Variants in XYLT1 observed in about 807,000 individuals in gnomAD.
XYLT1 encodes xylosyltransferase 1.
Under a neutral mutation model 91.3 loss-of-function variants are expected in XYLT1, and 36 were observed. The ratio of observed to expected loss-of-function variants is 0.39; its 90% CI spans 0.30 to 0.52. XYLT1 has a LOEUF of 0.52. Among genes scored for constraint, XYLT1 ranks in the 20% least tolerant of loss-of-function variants. The pLI, the probability that XYLT1 is intolerant of heterozygous loss-of-function variation, is 0.68. For missense variants in XYLT1, 1,242 were observed against 1,284.5 expected (o/e 0.97, Z 0.51); for synonymous variants, 588 against 532.0 (o/e 1.11, Z -1.45).
intron 3 of XYLT1, among the ~76,000 whole-genome samples, chr16:17,243,994 C>T (rs1024127268): frequency 6.6e-6 from 1 of 152,144 alleles, no homozygotes; most frequent in Non-Finnish European, 1.5e-5. Flanking sequence ...GGATGCTGAG[C>T]AGTATCCTTC....
Position 17,105,302 on chromosome 16 carries a change from G to A in XYLT1, c.*3393C>T, listed in dbSNP as rs1364342815. On this transcript the variant is annotated 3_prime_UTR_variant, in exon 12 of 12. Coordinates refer to ENST00000261381, the MANE Select transcript of XYLT1 (RefSeq NM_022166.4). Reference sequence around the variant, plus strand: ...CCCAGAGTAGAAGCAATTGCAGTGAGTGAGAGATGGGGGCAGGTCCTGTGG... The same window carrying A: ...CCCAGAGTAGAAGCAATTGCAGTGAATGAGAGATGGGGGCAGGTCCTGTGG... 6.6e-6 allele frequency: 1 copy of A among 152,222 alleles called. No individual in the cohort carries two copies. The highest frequency in any genetic ancestry group is 1.5e-5 in the Non-Finnish European group (1 of 68,050). The allele number at this position is 152,222 out of a possible 1,614,324, so 9.4% of individuals were successfully genotyped here.
chr16:17,333,578 ATTAAT>A (rs1158673781), intron 2 of XYLT1, among the ~76,000 whole-genome samples: 16 of 144,316 alleles, frequency 1.1e-4, no homozygotes, highest in Non-Finnish European at 2.1e-4. Flanking sequence ...TAATTAATTA[ATTAAT>A]TTAATTTATT....
chr16:17,229,649 T>C (rs1567332817), intron 3 of XYLT1, among the ~76,000 whole-genome samples: 1 of 152,196 alleles, frequency 6.6e-6, no homozygotes, highest in Non-Finnish European at 1.5e-5. Flanking sequence ...CATTTTACCA[T>C]GGGGAATGCA....
Position 17,192,662 on chromosome 16 carries a change from C to T in XYLT1, c.1289+5550G>A, listed in dbSNP as rs980015416. ...GCCTACGTGGACCAGGATGTCATGT[C>T]AACAGCAGAGCAGGAGCACCTAGAG... On this transcript the variant is annotated intron_variant, in intron 5 of 11. Transcript: ENST00000261381. Among the ~76,000 whole-genome samples the T allele has an allele frequency of 3.9e-5, 6 of 152,190 alleles. No homozygotes were observed. In the South Asian group the frequency reaches 1.2e-3, roughly 32 times the overall value.
At chr16:17,294,539 G>A (rs915018228) in intron 2 of XYLT1, among the ~76,000 whole-genome samples, 3 of 152,170 alleles carry the variant, frequency 2.0e-5, no homozygotes, top group East Asian at 1.9e-4. Flanking sequence ...GAATACCAAT[G>A]GGGCCAGTTG....
chr16:17,253,948 T>C (rs139006199), intron 3 of XYLT1, among the ~76,000 whole-genome samples: 86 of 152,216 alleles, frequency 5.6e-4, no homozygotes, highest in African/African-American at 1.9e-3. Context: ...GACAGGCTTA[T>C]GGAAAGGGAT....
chr16:17,371,140 C>G (rs933137899), intron 1 of XYLT1, among the ~76,000 whole-genome samples: 5 of 152,204 alleles, frequency 3.3e-5, no homozygotes, highest in Non-Finnish European at 7.3e-5. Flanking sequence ...CCTATGAATG[C>G]ACACCCAGGA....
At chr16:17,440,240 G>A (rs1025656040) in intron 1 of XYLT1, among the ~76,000 whole-genome samples, 1 of 152,178 alleles carries the variant, frequency 6.6e-6, no homozygotes, top group Admixed American at 6.6e-5. Context: ...CAAAGATCTG[G>A]CCGTCAACAT....
intron 1 of XYLT1, among the ~76,000 whole-genome samples, chr16:17,451,950 G>C (rs1025053953): frequency 2.6e-5 from 4 of 152,144 alleles, no homozygotes; most frequent in African/African-American, 7.2e-5. Flanking sequence ...AAATTGATCA[G>C]CAGAAAAAAG....
At chr16:17,323,873 G>A (rs946705543) in intron 2 of XYLT1, among the ~76,000 whole-genome samples, 5 of 152,192 alleles carry the variant, frequency 3.3e-5, no homozygotes, top group African/African-American at 9.6e-5. Flanking sequence ...AGAAAGTTCC[G>A]AAGCGCAGAT....
intron 10 of XYLT1, among the ~76,000 whole-genome samples, chr16:17,124,311 G>T (rs1354102432): frequency 6.6e-6 from 1 of 152,166 alleles, no homozygotes. Flanking sequence ...TTCTTGTAGT[G>T]CTGGCTTGGT....
At chr16:17,465,992 G>A (rs2036891781) in intron 1 of XYLT1, among the ~76,000 whole-genome samples, 2 of 152,162 alleles carry the variant, frequency 1.3e-5, no homozygotes, top group African/African-American at 4.8e-5. Context: ...CAGGCCTGAG[G>A]GTACTCAACA....
intron 1 of XYLT1, among the ~76,000 whole-genome samples, chr16:17,410,995 G>C (rs529446177): frequency 6.6e-6 from 1 of 152,154 alleles, no homozygotes; most frequent in Non-Finnish European, 1.5e-5. Context: ...ACAGATTGCT[G>C]TCAATGGTCT....
intron 10 of XYLT1, among the ~76,000 whole-genome samples, chr16:17,124,797 ATT>A (rs1350483127): frequency 1.6e-4 from 25 of 151,814 alleles, no homozygotes; most frequent in East Asian, 1.2e-3. Context: ...TTTTTTAAAA[ATT>A]CTTTTTTGTG....
In XYLT1 at chr16:17,134,735, G is replaced by C; in HGVS notation, c.1765C>G (p.Gln589Glu). ...FKPQDFHRFQ[Q>E]TARPTFFARK... ...GCAAAGAAGGTAGGCCGGGCTGTCT[G>C]CTGTACTCATGGGATTAAAAATAGA... The change falls in exon 9 of 12, where the codon CAG becomes GAG. Residue 589 changes from glutamine (Q) to glutamate (E), a missense_variant and splice_region_variant. Physicochemically the swap from Gln to Glu is conservative, Grantham distance 29 (BLOSUM62 2). This residue lies in a region of XYLT1 where 511 missense variants were observed against 497.0 expected (regional missense o/e 1.03). Transcript: ENST00000261381. The C allele has an allele frequency of 6.2e-7, 1 of 1,614,034 alleles. No individual in the cohort carries two copies. The highest frequency in any genetic ancestry group is 1.1e-5 in the South Asian group (1 of 91,080).
intron 5 of XYLT1, among the ~76,000 whole-genome samples, chr16:17,176,214 C>T (rs74943664): frequency 0.044 from 6,744 of 152,226 alleles, 205 homozygotes; most frequent in Non-Finnish European, 0.045. Flanking sequence ...AGGCACTGTA[C>T]CAGGAATAAG....
At chr16:17,268,806 C>T (rs1017031298) in intron 2 of XYLT1, among the ~76,000 whole-genome samples, 11 of 151,622 alleles carry the variant, frequency 7.3e-5, no homozygotes, top group African/African-American at 1.2e-4. Flanking sequence ...CCAAGTAGCA[C>T]GGATTACAGG....
intron 2 of XYLT1, among the ~76,000 whole-genome samples, chr16:17,328,534 G>A (rs2034846992): frequency 9.7e-6 from 1 of 102,590 alleles, no homozygotes; most frequent in African/African-American, 3.6e-5. Context: ...GGGTGACTGA[G>A]CAAGACTCCT....
At chr16:17,195,314 T>G (rs1435095442) in intron 5 of XYLT1, among the ~76,000 whole-genome samples, 1 of 152,036 alleles carries the variant, frequency 6.6e-6, no homozygotes, top group Non-Finnish European at 1.5e-5. Flanking sequence ...CTTATTTCCC[T>G]CCCAATGGAT....
Sources: allele counts gnomAD v4.1 joint callset (sites outside exome capture counted in the v4.1 genomes callset), GRCh38; gene constraint gnomAD v4.1.1; regional missense constraint gnomAD v4.1.1; transcripts MANE v1.5; gene names NCBI Gene and HGNC (gene_info 2026-07-23, HGNC 2026-07-21).